The following KMT2C variants were observed in gnomAD, a reference collection of about 807,000 sequenced individuals.
KMT2C encodes the protein lysine methyltransferase 2C.
Under a neutral mutation model 507.9 loss-of-function variants are expected in KMT2C, and 88 were observed. The observed-to-expected ratio is 0.17, with a 90% confidence interval of 0.15 to 0.21. The LOEUF (loss-of-function observed/expected upper bound fraction) is 0.21, where lower values mean the gene tolerates loss of function less well. KMT2C is among the 10% of genes least tolerant of loss of function. KMT2C has a pLI of 1.00. For synonymous variants in KMT2C, 2,049 were observed against 2,080.8 expected (o/e 0.98, Z 0.42); for missense variants, 4,954 against 5,957.8 (o/e 0.83, Z 5.55).
intron 6 of KMT2C, 135 bp downstream of exon 6, chr7:152,309,831 C>T (rs986717158): frequency 3.2e-6 from 2 of 621,588 alleles, no homozygotes; most frequent in Non-Finnish European, 5.5e-6. Flanking sequence ...TAGAATTTCT[C>T]TTAATAAAAA....
intron 5 of KMT2C, among the ~76,000 whole-genome samples, chr7:152,310,393 T>C (rs985713009): frequency 6.6e-6 from 1 of 152,142 alleles, no homozygotes; most frequent in Non-Finnish European, 1.5e-5. Flanking sequence ...CTGGCTAACA[T>C]GGCAAAACCC....
intron 2 of KMT2C, among the ~76,000 whole-genome samples, chr7:152,335,914 T>TTG (rs1423646817): frequency 6.8e-6 from 1 of 146,660 alleles, no homozygotes; most frequent in Non-Finnish European, 1.5e-5. Context: ...TAGGGTTTTT[T>TTG]TGTTTTTTTT....
intron 1 of KMT2C, among the ~76,000 whole-genome samples, chr7:152,380,793 G>C (rs540183015): frequency 3.9e-5 from 6 of 152,274 alleles, no homozygotes; most frequent in African/African-American, 1.4e-4. Flanking sequence ...AAAAAGATGA[G>C]AGTGGAAAAA....
chr7:152,138,640 T>G lies in KMT2C; in HGVS notation c.14643+156A>C. ...AAGGTGAACTGGAGTGCCTGAAGGG[T>G]GAGATACTGCAGGGTGGGAACATCT... is the stretch of plus-strand genomic sequence containing the variant. On this transcript the variant is annotated intron_variant, in intron 58 of 58. Coordinates refer to ENST00000262189, the MANE Select transcript of KMT2C (RefSeq NM_170606.3). This position sits in a 1 kb window ranked among gnomAD's most constrained non-coding sequence, Gnocchi z 4.2. 3.1e-5 allele frequency: 17 copies of G among 543,744 alleles called. No individual in the cohort carries two copies. The highest frequency in any genetic ancestry group is 3.6e-5 in the Admixed American group (1 of 27,542). 33.7% of individuals were successfully genotyped at this position (543,744 alleles called of 1,614,324 possible).
chr7:152,387,527 G>A (rs1006114778), intron 1 of KMT2C, among the ~76,000 whole-genome samples: 1 of 146,708 alleles, frequency 6.8e-6, no homozygotes, highest in Non-Finnish European at 1.5e-5. Flanking sequence ...CTGGAGTGCA[G>A]TGGTGCCATC....
In KMT2C at chr7:152,307,195, GAGGAAGGAAGGAAGGA is replaced by G. The variant is rs565184971; in HGVS notation, c.849+2755_849+2770del. Among the ~76,000 whole-genome samples, 622 of 64,950 alleles carry G rather than the reference GAGGAAGGAAGGAAGGA, an allele frequency of 9.6e-3. 8 individuals are homozygous for G. Among genetic ancestry groups the G allele is most frequent in the African/African-American group, 0.028 (473 of 17,066 alleles). The allele number at this position is 64,950 out of a possible 152,430, so 42.6% of individuals were successfully genotyped here. The stretch of plus-strand genomic sequence containing the variant: ...GAAGAGGAAGGAAGGAAAGAAGAGG[GAGGAAGGAAGGAAGGA>G]AGGAAGGAAGGAAGGAAGGAAGGAA... On this transcript the variant is annotated intron_variant, in intron 6 of 58. Transcript: ENST00000262189.
chr7:152,350,787 A>C (rs1275250904), intron 2 of KMT2C, among the ~76,000 whole-genome samples: 2 of 152,218 alleles, frequency 1.3e-5, no homozygotes, highest in African/African-American at 4.8e-5. Flanking sequence ...TTCTTTGCTC[A>C]GTAATAAATT....
chr7:152,332,873 C>G (rs2096896942), intron 2 of KMT2C, among the ~76,000 whole-genome samples: 1 of 151,610 alleles, frequency 6.6e-6, no homozygotes, highest in Non-Finnish European at 1.5e-5. Flanking sequence ...CACACACACA[C>G]ACACACACAC....
At chr7:152,397,261 T>A (rs576467199) in intron 1 of KMT2C, among the ~76,000 whole-genome samples, 1 of 151,870 alleles carries the variant, frequency 6.6e-6, no homozygotes, top group Admixed American at 6.6e-5. Context: ...AGGGGCTTGA[T>A]GTCAGCTCAC....
intron 2 of KMT2C, among the ~76,000 whole-genome samples, chr7:152,335,768 C>G (rs1032164900): frequency 6.6e-6 from 1 of 152,136 alleles, no homozygotes; most frequent in African/African-American, 2.4e-5. Context: ...ATGTCTATCT[C>G]TCCCTCAAAT....
intron 6 of KMT2C, among the ~76,000 whole-genome samples, chr7:152,307,191 GAGGGAGGAAGGA>G (rs764757889): frequency 0.05 from 4,447 of 88,164 alleles, 183 homozygotes; most frequent in Admixed American, 0.098. Flanking sequence ...AAGGAAAGAA[GAGGGAGGAAGGA>G]AGGAAGGAAG....
chr7:152,264,917 T>C, intron 8 of KMT2C, 121 bp downstream of exon 8: 1 of 1,200,870 alleles, frequency 8.3e-7, no homozygotes, highest in Non-Finnish European at 1.1e-6. Context: ...TATGATGAAG[T>C]CACTGAATGA....
rs550445412 is a variant in KMT2C, at chr7:152,336,546, C to T, written c.251-5807G>A. 1.2e-4 allele frequency among the ~76,000 whole-genome samples: 18 copies of T among 152,194 alleles called. No individual in the cohort carries two copies. In the East Asian group the frequency reaches 3.5e-3, roughly 29 times the overall value. On this transcript the variant is annotated intron_variant, in intron 2 of 58. Coordinates refer to ENST00000262189, the MANE Select transcript of KMT2C (RefSeq NM_170606.3). ...GCCTGATGCCAGTACTTAATTATCT[C>T]CAGTTTATTATTAAAAATGTACTCT...
intron 9 of KMT2C, among the ~76,000 whole-genome samples, chr7:152,257,987 C>T (rs2095690087): frequency 6.6e-6 from 1 of 152,154 alleles, no homozygotes; most frequent in Admixed American, 6.5e-5. Flanking sequence ...ATGGGTTGGA[C>T]AAACTTCTGT....
Position 152,251,964 on chromosome 7 carries a change from T to G in KMT2C, c.1596A>C (p.Glu532Asp), listed in dbSNP as rs748648973. 6.2e-7 allele frequency: 1 copy of G among 1,611,076 alleles called. No homozygotes were observed. Among genetic ancestry groups the G allele is most frequent in the South Asian group, 1.1e-5 (1 of 90,148 alleles). Residue 532 changes from glutamate (E) to aspartate (D), a missense_variant, in exon 11 of 59, where the codon GAA becomes GAC. Around this residue, in one of 29 missense-constraint regions of KMT2C, gnomAD observed 376 missense variants for 352.4 expected, o/e 1.07. Transcript: ENST00000262189. ...CTGTAGTGAGCTCAGCTATCTCCAC[T>G]TCCTCACCTGGCTGTAAACGATCCA... is the stretch of plus-strand genomic sequence containing the variant. ...AEMDRLQPGE[E>D]VEIAELTTDY...
At chr7:152,335,169 T>G (rs2096922496) in intron 2 of KMT2C, among the ~76,000 whole-genome samples, 1 of 152,216 alleles carries the variant, frequency 6.6e-6, no homozygotes, top group Non-Finnish European at 1.5e-5. Flanking sequence ...TATTCTGTGT[T>G]GCCTCTCTCT....
In KMT2C at chr7:152,203,494, G is replaced by T. The variant is rs529342612; in HGVS notation, c.3962-430C>A. 8.5e-5 allele frequency among the ~76,000 whole-genome samples: 13 copies of T among 152,122 alleles called. No homozygotes were observed. The East Asian group carries it at 2.3e-3, about 27-fold the overall frequency. On this transcript the variant is annotated intron_variant, in intron 25 of 58. Transcript: ENST00000262189. ...AAGAAAAAGTGTGTCCTTTAATACA[G>T]CAATTCCAAGTTCAGAAATTTATTA...
chr7:152,385,473 G>A (rs1395194001), intron 1 of KMT2C, among the ~76,000 whole-genome samples: 59 of 132,236 alleles, frequency 4.5e-4, no homozygotes, highest in Non-Finnish European at 6.2e-4. Flanking sequence ...TTAGCCGGGC[G>A]TAGTGGCGGG....
intron 31 of KMT2C, among the ~76,000 whole-genome samples, chr7:152,189,270 G>GAAC (rs1043586854): frequency 2.0e-5 from 3 of 152,058 alleles, no homozygotes; most frequent in African/African-American, 4.8e-5. Flanking sequence ...AAAAAAGAAA[G>GAAC]AACAACAACA....
Sources: allele counts gnomAD v4.1 joint callset (sites outside exome capture counted in the v4.1 genomes callset), GRCh38; gene constraint gnomAD v4.1.1; regional missense constraint gnomAD v4.1.1; non-coding constraint Gnocchi (gnomAD v3.1); transcripts MANE v1.5; gene names NCBI Gene and HGNC (gene_info 2026-07-23, HGNC 2026-07-21).